DGKB: variants seen among roughly 807,000 people sequenced by gnomAD.
The protein encoded by DGKB is diacylglycerol kinase beta, also known as 90 kDa diacylglycerol kinase.
In DGKB, 67 loss-of-function variants were observed where a neutral mutation model predicts 114.3. That is an observed-to-expected ratio of 0.59 (90% CI 0.48 to 0.72). The LOEUF is 0.72. DGKB is among the 30% of genes least tolerant of loss of function. DGKB has a pLI of 0.00. For synonymous variants in DGKB, 398 were observed against 323.1 expected (o/e 1.23, Z -2.49); for missense variants, 907 against 975.2 (o/e 0.93, Z 0.93).
chr7:14,595,228 G>A (rs181381180), intron 17 of DGKB, among the ~76,000 whole-genome samples: 4 of 152,230 alleles, frequency 2.6e-5, no homozygotes, highest in South Asian at 2.1e-4. Context: ...GATCCTAGGA[G>A]AGTGGTTAGA....
intron 5 of DGKB, among the ~76,000 whole-genome samples, chr7:14,727,067 T>C (rs1355830323): frequency 6.6e-6 from 1 of 152,154 alleles, no homozygotes; most frequent in African/African-American, 2.4e-5. Context: ...TGCTAGAATA[T>C]TACAAACTGT....
intron 13 of DGKB, among the ~76,000 whole-genome samples, chr7:14,668,591 T>C (rs7785131): frequency 0.74 from 112,183 of 151,994 alleles, 42,230 homozygotes; most frequent in East Asian, 0.85. Context: ...AAAATGAATT[T>C]ATATATTGTG....
rs1848183063 is a variant in DGKB at position 14,843,269 on chromosome 7, C to A, written c.-187-1819G>T. Among the ~76,000 whole-genome samples, 5 of 150,502 alleles carry A rather than the reference C, an allele frequency of 3.3e-5. No homozygotes were observed. The South Asian group carries it at 1.0e-3, about 31-fold the overall frequency. ...ACATATACCAAGACATCACACTGCACCCTATAAATACATACAATTATTATT... is the reference window on the plus strand; with the variant it reads ...ACATATACCAAGACATCACACTGCAACCTATAAATACATACAATTATTATT... On this transcript the variant is annotated intron_variant, in intron 1 of 25. Coordinates refer to ENST00000402815, the MANE Select transcript of DGKB (RefSeq NM_001350709.2).
intron 23 of DGKB, among the ~76,000 whole-genome samples, chr7:14,280,323 A>G (rs899020160): frequency 1.4e-4 from 21 of 152,232 alleles, no homozygotes; most frequent in African/African-American, 4.8e-4. Flanking sequence ...AAGAATAAAA[A>G]GAAACGAGCA....
intron 20 of DGKB, among the ~76,000 whole-genome samples, chr7:14,489,271 T>C (rs1229010562): frequency 6.6e-6 from 1 of 152,232 alleles, no homozygotes; most frequent in East Asian, 1.9e-4. Flanking sequence ...ATATTTACTA[T>C]AATCATTTGA....
chr7:14,591,587 T>C (rs756279169), intron 17 of DGKB, among the ~76,000 whole-genome samples: 43 of 152,082 alleles, frequency 2.8e-4, no homozygotes, highest in Non-Finnish European at 1.8e-4. Flanking sequence ...TAACATTCCA[T>C]AAAGTTTCAG....
At chr7:14,564,340 TTTC>T (rs1486805091) in intron 20 of DGKB, among the ~76,000 whole-genome samples, 2 of 152,172 alleles carry the variant, frequency 1.3e-5, no homozygotes, top group East Asian at 3.9e-4. Flanking sequence ...GGTTGAGGGT[TTTC>T]TTACTGATCA....
At chr7:14,881,737 C>T (rs74771947) in intron 1 of DGKB, among the ~76,000 whole-genome samples, 26 of 152,086 alleles carry the variant, frequency 1.7e-4, no homozygotes, top group South Asian at 1.2e-3. Flanking sequence ...CTTTAAGAGC[C>T]GTAGTTAACC....
intron 1 of DGKB, among the ~76,000 whole-genome samples, chr7:14,852,835 C>T (rs998314959): frequency 6.6e-6 from 1 of 152,088 alleles, no homozygotes; most frequent in Non-Finnish European, 1.5e-5. Context: ...TATTTTCCAT[C>T]CCCAGCTTAA....
intron 23 of DGKB, among the ~76,000 whole-genome samples, chr7:14,213,482 T>G (rs1215395470): frequency 6.6e-6 from 1 of 152,164 alleles, no homozygotes; most frequent in African/African-American, 2.4e-5. Context: ...CATAATATCT[T>G]TTAAAAAGAT....
chr7:14,942,531 T>C (rs904686994), intron 1 of DGKB, among the ~76,000 whole-genome samples: 2 of 152,036 alleles, frequency 1.3e-5, no homozygotes, highest in African/African-American at 4.8e-5. Flanking sequence ...TGTGGCTTAA[T>C]AGTGAGATAT....
chr7:14,209,476 G>C (rs377679996), intron 23 of DGKB: 67 of 484,322 alleles, frequency 1.4e-4, no homozygotes, highest in African/African-American at 1.1e-3. Context: ...TAATGATCTT[G>C]TCTCCTTCCA....
intron 13 of DGKB, among the ~76,000 whole-genome samples, chr7:14,640,291 G>A (rs1174721837): frequency 2.6e-5 from 4 of 152,166 alleles, no homozygotes; most frequent in Non-Finnish European, 5.9e-5. Context: ...GGAGAATTAA[G>A]GCAGAGAATA....
At chr7:14,572,461 G>T (rs28509381) in intron 20 of DGKB, among the ~76,000 whole-genome samples, 1 of 140,082 alleles carries the variant, frequency 7.1e-6, no homozygotes, top group East Asian at 2.0e-4. Flanking sequence ...CAAAAAAAAA[G>T]AAAAAAAAAA....
chr7:14,886,066 G>T (rs1855002900), intron 1 of DGKB, among the ~76,000 whole-genome samples: 1 of 151,812 alleles, frequency 6.6e-6, no homozygotes, highest in African/African-American at 2.4e-5. Context: ...AGCAAGAATG[G>T]ATTGAAAATG....
At chr7:14,194,900 C>T (rs970901499) in intron 23 of DGKB, among the ~76,000 whole-genome samples, 29 of 152,238 alleles carry the variant, frequency 1.9e-4, no homozygotes, top group African/African-American at 6.7e-4. Flanking sequence ...AACAACCTCT[C>T]TATAGCGACC....
At position 14,349,572 on chromosome 7, in the gene DGKB, A is replaced by C. The variant is rs1813091416; in HGVS notation, c.1836-4181T>G. ...AATTTACATTCAGCCCTTATTCACC[A>C]TATTAGTTAGCATTACTGCTCATGT... is the stretch of plus-strand genomic sequence containing the variant. On this transcript the variant is annotated intron_variant, in intron 21 of 25. Coordinates refer to ENST00000402815, the MANE Select transcript of DGKB (RefSeq NM_001350709.2). Among the ~76,000 whole-genome samples the C allele has an allele frequency of 1.3e-5, 2 of 152,162 alleles. 1 individual carries two copies. The highest frequency in any genetic ancestry group is 4.1e-4 in the South Asian group (2 of 4,838).
intron 20 of DGKB, among the ~76,000 whole-genome samples, chr7:14,572,309 G>A (rs953709422): frequency 7.3e-5 from 11 of 151,264 alleles, no homozygotes; most frequent in African/African-American, 1.9e-4. Flanking sequence ...AAAATTAGCC[G>A]GGCATGGTGG....
chr7:14,186,789 G>A (rs1364127768), intron 23 of DGKB, among the ~76,000 whole-genome samples: 1 of 152,148 alleles, frequency 6.6e-6, no homozygotes, highest in East Asian at 1.9e-4. Flanking sequence ...AACGTCGTAT[G>A]TTCTCATGGA....
Sources: gnomAD v4.1 joint callset for allele counts (sites outside exome capture counted in the v4.1 genomes callset) on GRCh38, gnomAD v4.1.1 for gene constraint, MANE v1.5 for transcripts, NCBI Gene and HGNC (gene_info 2026-07-23, HGNC 2026-07-21) for gene names.